Variants in HOPX observed in about 807,000 individuals in gnomAD.
HOPX encodes homeodomain-only protein.
A neutral mutation model predicts 11.8 loss-of-function variants in HOPX; 5 were observed. The ratio of observed to expected loss-of-function variants is 0.43; its 90% confidence interval spans 0.22 to 0.89. The LOEUF is 0.89. Ranked by LOEUF, HOPX falls within the 40% of genes least tolerant of loss-of-function variation. The pLI is 0.28. For synonymous variants in HOPX, 49 were observed against 49.7 expected (o/e 0.99, Z 0.06); for missense variants, 119 against 120.0 (o/e 0.99, Z 0.04).
chr4:56,654,667 G>C (rs1397933518), intron 3 of HOPX, among the ~76,000 whole-genome samples: 1 of 152,152 alleles, frequency 6.6e-6, no homozygotes, highest in East Asian at 1.9e-4. Flanking sequence ...CTATGGACAA[G>C]CTCTCCAAAG....
chr4:56,680,654 C>G (rs1719276540), intron 1 of HOPX: 2 of 151,866 alleles, frequency 1.3e-5, no homozygotes, highest in African/African-American at 4.8e-5. Flanking sequence ...TATCACAAAC[C>G]TATACTTTCT....
intron 1 of HOPX, among the ~76,000 whole-genome samples, chr4:56,662,211 C>T (rs11133451): frequency 0.12 from 18,658 of 152,186 alleles, 1,233 homozygotes; most frequent in East Asian, 0.29. Flanking sequence ...TGAAATAATG[C>T]GCTTACATGT....
At chr4:56,665,457 T>A (rs1225607184) in intron 1 of HOPX, 8 of 152,188 alleles carry the variant, frequency 5.3e-5, no homozygotes. Flanking sequence ...ATTTAGGACA[T>A]AACTTTGGAA....
chr4:56,664,301 T>TC, intron 1 of HOPX: 1 of 151,650 alleles, frequency 6.6e-6, no homozygotes, highest in East Asian at 1.9e-4. Flanking sequence ...TGGCTAATTT[T>TC]TTTTTTTTTT....
chr4:56,648,851 C>T (rs1716896187), intron 3 of HOPX, 54 bp from the exon 4 acceptor site: 3 of 1,373,452 alleles, frequency 2.2e-6, no homozygotes, highest in South Asian at 2.4e-5. Flanking sequence ...AACTGAAATG[C>T]CTGTTCCCTT....
At chr4:56,675,927 T>C (rs913253416) in intron 1 of HOPX, among the ~76,000 whole-genome samples, 2 of 151,764 alleles carry the variant, frequency 1.3e-5, no homozygotes, top group African/African-American at 4.9e-5. Context: ...CTCCAAGCCA[T>C]AGGTCATCCT....
intron 1 of HOPX, among the ~76,000 whole-genome samples, chr4:56,671,162 C>T (rs1208388812): frequency 2.0e-5 from 3 of 151,996 alleles, no homozygotes; most frequent in South Asian, 2.1e-4. Flanking sequence ...GGGGATGTGA[C>T]ATCATGATTG....
At chr4:56,668,405 G>T (rs1718551053) in intron 1 of HOPX, among the ~76,000 whole-genome samples, 1 of 152,210 alleles carries the variant, frequency 6.6e-6, no homozygotes, top group Admixed American at 6.5e-5. Context: ...TCTACCCAAG[G>T]CACAAGAATG....
At chr4:56,678,974 T>C (rs1051699882) in intron 1 of HOPX, 6 of 152,202 alleles carry the variant, frequency 3.9e-5, no homozygotes, top group African/African-American at 1.4e-4. Context: ...AATTATATTG[T>C]TGGTTAGGCA....
chr4:56,675,538 G>A (rs990399888), intron 1 of HOPX, among the ~76,000 whole-genome samples: 1 of 151,642 alleles, frequency 6.6e-6, no homozygotes, highest in Admixed American at 6.5e-5. Flanking sequence ...TCCCCTGGCA[G>A]GAGATAGCTC....
chr4:56,681,454 G>C (rs1472965034), upstream of HOPX: 10 of 990,338 alleles, frequency 1.0e-5, no homozygotes, highest in Non-Finnish European at 1.1e-5. Flanking sequence ...CCGAGGTTAC[G>C]TCTCTCCTGG....
intron 1 of HOPX, among the ~76,000 whole-genome samples, chr4:56,678,275 TTTGGCCCTTA>T (rs1330902052): frequency 6.6e-6 from 1 of 151,432 alleles, no homozygotes; most frequent in Non-Finnish European, 1.5e-5. Flanking sequence ...CCATCCTCTC[TTTGGCCCTTA>T]CTGTCCTTAT....
chr4:56,654,285 A>G (rs1440492836), intron 3 of HOPX, among the ~76,000 whole-genome samples: 1 of 152,260 alleles, frequency 6.6e-6, no homozygotes, highest in Non-Finnish European at 1.5e-5. Context: ...AGTATTAGCC[A>G]TTACAAAGGT....
At position 56,648,210 on chromosome 4, in the gene HOPX, CA is replaced by C. The variant is rs984416625; in HGVS notation, c.*509del. The C allele has an allele frequency of 2.6e-5, 4 of 152,116 alleles. No individual in the cohort carries two copies. Among genetic ancestry groups the C allele is most frequent in the African/African-American group, 9.7e-5 (4 of 41,382 alleles). The allele number at this position is 152,116 out of a possible 1,614,324, so 9.4% of individuals were successfully genotyped here. On this transcript the variant is annotated 3_prime_UTR_variant, in exon 4 of 4. Coordinates refer to ENST00000420433, the MANE Select transcript of HOPX (RefSeq NM_032495.6). ...TTTCCAAGTTAATGCAGCTATATTC[CA>C]AGGAAGTGTTTTATGAAATCTGAAT...
chr4:56,652,637 C>T (rs1464270387), intron 3 of HOPX, among the ~76,000 whole-genome samples: 1 of 152,026 alleles, frequency 6.6e-6, no homozygotes, highest in Non-Finnish European at 1.5e-5. Flanking sequence ...GTGAGACCCC[C>T]ATCTCTACAA....
chr4:56,670,890 G>A (rs959965914), intron 1 of HOPX, among the ~76,000 whole-genome samples: 8 of 151,846 alleles, frequency 5.3e-5, no homozygotes, highest in African/African-American at 1.2e-4. Context: ...TCAGCTACTC[G>A]GGAGGCTGAG....
chr4:56,650,242 T>C (rs1717030106), intron 3 of HOPX: 2 of 158,236 alleles, frequency 1.3e-5, no homozygotes, highest in Non-Finnish European at 2.8e-5. Flanking sequence ...CCTTCTGGTA[T>C]TTCTATAATT....
At position 56,648,650 on chromosome 4, in the gene HOPX, G is replaced by A; in HGVS notation, c.*70C>T. ...AACACTATGCTGAAAAACCACAACA[G>A]CTTGGTTAAGCGGAGGAGAGAAACA... On this transcript the variant is annotated 3_prime_UTR_variant, in exon 4 of 4. Coordinates refer to ENST00000420433, the MANE Select transcript of HOPX (RefSeq NM_032495.6). 1 of 1,155,040 alleles carries A rather than the reference G, an allele frequency of 8.7e-7. No homozygotes were observed. The allele number at this position is 1,155,040 out of a possible 1,614,324, so 71.5% of individuals were successfully genotyped here. A position where few individuals can be genotyped will look rare whatever the true frequency, so the allele number is the denominator to read the frequency against.
chr4:56,656,067 C>A, intron 2 of HOPX, 55 bp from the exon 3 acceptor site: 4 of 1,439,434 alleles, frequency 2.8e-6, no homozygotes, highest in Admixed American at 2.8e-5. Flanking sequence ...GGGCGGGACG[C>A]AGCGAAGGAA....
Sources: allele counts gnomAD v4.1 joint callset (sites outside exome capture counted in the v4.1 genomes callset), GRCh38; gene constraint gnomAD v4.1.1; transcripts MANE v1.5; gene names NCBI Gene and HGNC (gene_info 2026-07-23, HGNC 2026-07-21).